The following AGMO variants were observed in gnomAD, a reference collection of about 807,000 sequenced individuals.
AGMO encodes the protein alkylglycerol monooxygenase, also known as glyceryl-ether monooxygenase.
Under a neutral mutation model 60.2 loss-of-function variants are expected in AGMO, and 75 were observed. The ratio of observed to expected loss-of-function variants is 1.25; its 90% CI spans 1.03 to 1.51. The LOEUF (loss-of-function observed/expected upper bound fraction) is 1.51. AGMO is among the 40% of genes most tolerant of loss of function. The pLI, the probability that AGMO is intolerant of heterozygous loss-of-function variation, is 0.00. For synonymous variants in AGMO, 261 were observed against 177.1 expected, an observed-to-expected ratio of 1.47 and a Z score of -3.76; for missense variants, 763 against 525.5, an observed-to-expected ratio of 1.45 and a Z score of -4.42.
At chr7:15,353,096 G>A (rs927293300) in intron 12 of AGMO, among the ~76,000 whole-genome samples, 2 of 152,078 alleles carry the variant, frequency 1.3e-5, no homozygotes, top group Non-Finnish European at 2.9e-5. Flanking sequence ...TTAAAAAGGT[G>A]GGAAGGGGGC....
chr7:15,387,793 A>C (rs1783979128), intron 8 of AGMO, among the ~76,000 whole-genome samples: 1 of 152,158 alleles, frequency 6.6e-6, no homozygotes, highest in African/African-American at 2.4e-5. Flanking sequence ...AAAACAGGGC[A>C]ATTGTTTAGA....
At chr7:15,376,670 T>C (rs1248696423) in intron 10 of AGMO, among the ~76,000 whole-genome samples, 2 of 152,218 alleles carry the variant, frequency 1.3e-5, no homozygotes, top group South Asian at 2.1e-4. Context: ...AAAAGAAGCA[T>C]TGCCTTTTCA....
chr7:15,471,991 A>G (rs1166840692), intron 3 of AGMO, among the ~76,000 whole-genome samples: 1 of 151,936 alleles, frequency 6.6e-6, no homozygotes, highest in Non-Finnish European at 1.5e-5. Context: ...ATTTTTAAGA[A>G]GAATCCTAAC....
intron 3 of AGMO, among the ~76,000 whole-genome samples, chr7:15,447,409 A>G (rs1781728696): frequency 6.6e-6 from 1 of 152,210 alleles, no homozygotes; most frequent in African/African-American, 2.4e-5. Context: ...AAATGAAAGG[A>G]ATTCACGTAA....
At chr7:15,125,878 T>C in the AGMO span, among the ~76,000 whole-genome samples, 4 of 152,142 alleles carry the variant, frequency 2.6e-5, no homozygotes, top group South Asian at 2.1e-4. Context: ...TCTTATGTAA[T>C]AGAGAAATAT....
intron 3 of AGMO, among the ~76,000 whole-genome samples, chr7:15,532,928 T>C (rs1192356552): frequency 6.6e-6 from 1 of 151,714 alleles, no homozygotes; most frequent in African/African-American, 2.4e-5. Context: ...GAAGTGGAGG[T>C]TGCAATGAGC....
intron 3 of AGMO, among the ~76,000 whole-genome samples, chr7:15,542,110 T>C (rs1784645212): frequency 6.6e-6 from 1 of 152,178 alleles, no homozygotes; most frequent in Non-Finnish European, 1.5e-5. Context: ...TGTGTCTTGA[T>C]TTCTAAAAAC....
intron 12 of AGMO, among the ~76,000 whole-genome samples, chr7:15,326,532 G>A (rs1241715321): frequency 6.6e-6 from 1 of 152,112 alleles, no homozygotes; most frequent in Non-Finnish European, 1.5e-5. Flanking sequence ...GCTTACTAAT[G>A]CTCTTAAGGT....
chr7:15,241,455 G>A (rs1160576484), intron 12 of AGMO, among the ~76,000 whole-genome samples: 95 of 72,594 alleles, frequency 1.3e-3, no homozygotes, highest in African/African-American at 5.4e-3. Flanking sequence ...GTGAGACTCC[G>A]TCTCAAAAAA....
intron 5 of AGMO, among the ~76,000 whole-genome samples, chr7:15,409,343 G>A (rs144706229): frequency 0.016 from 2,368 of 151,984 alleles, 44 homozygotes; most frequent in South Asian, 0.072. Context: ...CCACCCACCA[G>A]GGTCTAACAA....
intron 10 of AGMO, among the ~76,000 whole-genome samples, chr7:15,381,332 G>A (rs1422087686): frequency 1.3e-5 from 2 of 151,420 alleles, no homozygotes; most frequent in Non-Finnish European, 2.9e-5. Flanking sequence ...ACATTTACAA[G>A]AAAAAGACAA....
chr7:15,150,280 T>A, the AGMO span, among the ~76,000 whole-genome samples: 1 of 152,030 alleles, frequency 6.6e-6, no homozygotes, highest in African/African-American at 2.4e-5. Context: ...CTCTTCCTAT[T>A]TGGATGTCTT....
chr7:15,189,164 G>T, the AGMO span, among the ~76,000 whole-genome samples: 1 of 152,094 alleles, frequency 6.6e-6, no homozygotes, highest in Admixed American at 6.6e-5. Context: ...GAAAATGAGA[G>T]TGGGCCACCA....
chr7:15,359,463 A>T (rs1262798086), intron 12 of AGMO, among the ~76,000 whole-genome samples: 1 of 152,150 alleles, frequency 6.6e-6, no homozygotes, highest in Non-Finnish European at 1.5e-5. Flanking sequence ...CATTTTTTAA[A>T]ATGAAATACC....
chr7:15,357,212 TG>T (rs1427794044), intron 12 of AGMO, among the ~76,000 whole-genome samples: 1 of 151,324 alleles, frequency 6.6e-6, no homozygotes, highest in Non-Finnish European at 1.5e-5. Flanking sequence ...TGTGTGTGTG[TG>T]TGTGTGTGTG....
In AGMO at chr7:15,201,327, T is replaced by C. The variant is rs1781274075; in HGVS notation, c.1296A>G (p.Gly432=). 2.5e-6 allele frequency: 4 copies of C among 1,611,646 alleles called. No homozygotes were observed. Among genetic ancestry groups the C allele is most frequent in the Admixed American group, 1.7e-5 (1 of 59,772 alleles). ...IVFSICIAFW[G]VRSMKQLTSH... is the part of the protein sequence containing the mutation. ...AGGTGAGTTGTTTCATGCTTCTAAC[T>C]CCCCAGAAAGCAATGCAAATGGAAA... Residue 432 remains glycine, a synonymous_variant, in exon 13 of 13, where the codon GGA becomes GGG. Transcript: ENST00000342526.
At position 15,544,899 on chromosome 7, in the gene AGMO, C is replaced by G. The variant is rs1248944917; in HGVS notation, c.282G>C (p.Leu94=). The G allele has an allele frequency of 1.9e-6, 3 of 1,557,348 alleles. No individual in the cohort carries two copies. The highest frequency in any genetic ancestry group is 2.6e-6 in the Non-Finnish European group (3 of 1,151,830). The part of the protein sequence containing the change: ...LPSLFFRSIE[L]TSYIYIWENY... ...TCTCCCAGATATAAATATAACTGGT[C>G]AGTTCAATGCTCCTGAAAAATAGAC... Residue 94 remains leucine, a synonymous_variant, in exon 3 of 13, where the codon CTG becomes CTC. Transcript: ENST00000342526.
At chr7:15,348,930 C>CA (rs1355143300) in intron 12 of AGMO, among the ~76,000 whole-genome samples, 7 of 152,086 alleles carry the variant, frequency 4.6e-5, no homozygotes, top group Non-Finnish European at 8.8e-5. Flanking sequence ...AATAGAACCT[C>CA]AAAGTTCTTC....
chr7:15,227,208 A>G (rs926892097), intron 12 of AGMO, among the ~76,000 whole-genome samples: 4 of 152,066 alleles, frequency 2.6e-5, no homozygotes, highest in African/African-American at 9.7e-5. Context: ...CTAACATAAG[A>G]GTATATTCTC....
Sources: allele counts gnomAD v4.1 joint callset (sites outside exome capture counted in the v4.1 genomes callset), GRCh38; gene constraint gnomAD v4.1.1; transcripts MANE v1.5; gene names NCBI Gene and HGNC (gene_info 2026-07-23, HGNC 2026-07-21).